The following ABCA7 variants were observed in gnomAD, a reference collection of about 807,000 sequenced individuals.
The protein encoded by ABCA7 is phospholipid-transporting ATPase ABCA7.
In ABCA7, 261 loss-of-function variants were observed where a neutral mutation model predicts 227.6. The observed-to-expected ratio is 1.15, with a 90% CI of 1.04 to 1.27. ABCA7 has a LOEUF of 1.27. ABCA7 is among the 50% of genes most tolerant of loss of function. ABCA7 has a pLI of 0.00. For synonymous variants in ABCA7, 1,488 were observed against 1,279.7 expected (o/e 1.16, Z -3.47); for missense variants, 3,331 against 2,924.5 (o/e 1.14, Z -3.21).
rs770741604 is a variant in ABCA7, at chr19:1,056,069, C to T, written c.4242C>T (p.Tyr1414=). 48 of 1,590,286 alleles carry T rather than the reference C, an allele frequency of 3.0e-5. No individual in the cohort carries two copies. The highest frequency in any genetic ancestry group is 5.4e-5 in the African/African-American group (4 of 74,590). ...KTKKWVNEVR[Y]GGFSLGGRDP... is the part of the protein sequence containing the mutation. ...CCCTGCCTGCATGGCCCCACAGATACGGAGGCTTCTCGCTGGGGGGCCGAG... is the reference window on the plus strand; with the variant it reads ...CCCTGCCTGCATGGCCCCACAGATATGGAGGCTTCTCGCTGGGGGGCCGAG... Residue 1414 remains tyrosine (Y), a synonymous_variant, in exon 32 of 47, where the codon TAC becomes TAT. Transcript: ENST00000263094. This position sits in a 1 kb window ranked among gnomAD's most constrained non-coding sequence, Gnocchi z 4.3.
At position 1,042,769 on chromosome 19, in the gene ABCA7, C is replaced by T. The variant is rs770649703; in HGVS notation, c.522C>T (p.Gly174=). The change falls in exon 7 of 47, where the codon GGC becomes GGT. Residue 174 remains glycine (G), a synonymous_variant. Coordinates refer to ENST00000263094, the MANE Select transcript of ABCA7 (RefSeq NM_019112.4). ...AGGAATCCCTGGGGTTGGCACTGGG[C>T]CAAGCCCAGGAGCCCTTGCACAGCT... The part of the protein sequence containing the change: ...LRTESLGLAL[G]QAQEPLHSLL... 6.2e-7 allele frequency: 1 copy of T among 1,613,334 alleles called. No homozygotes were observed. The highest frequency in any genetic ancestry group is 1.3e-5 in the African/African-American group (1 of 74,932).
rs574713574 is a variant in ABCA7 at position 1,064,309 on chromosome 19, C to T, written c.6044+56C>T. On this transcript the variant is annotated intron_variant, in intron 45 of 46. Coordinates refer to ENST00000263094, the MANE Select transcript of ABCA7 (RefSeq NM_019112.4). ...GGGTGAGGGTGGGCACGTAGGTAGG[C>T]TCAGGGGAGAGGCCAGACGTAGAGC... 306 of 1,491,428 alleles carry T rather than the reference C, an allele frequency of 2.1e-4. No homozygotes were observed. The African/African-American group carries it at 3.8e-3, about 19-fold the overall frequency. 92.4% of individuals were successfully genotyped at this position (1,491,428 alleles called of 1,614,324 possible). A position where few individuals can be genotyped will look rare whatever the true frequency, so the allele number is the denominator to read the frequency against.
chr19:1,044,238 CT>C (rs4147941), intron 10 of ABCA7, among the ~76,000 whole-genome samples: 12,820 of 69,450 alleles, frequency 0.18, 1,120 homozygotes, highest in Non-Finnish European at 0.22. Context: ...CCACGTCCTG[CT>C]TTTTTTTTTT....
Position 1,054,806 on chromosome 19 carries a change from G to A in ABCA7, c.3878G>A (p.Arg1293His), listed in dbSNP as rs779846391. The change falls in exon 29 of 47, where the codon CGT becomes CAT. Residue 1293 changes from arginine to histidine, a missense_variant. Coordinates refer to ENST00000263094, the MANE Select transcript of ABCA7 (RefSeq NM_019112.4). The surrounding 1 kb of genome is among the most constrained non-coding windows in gnomAD (Gnocchi z 4.8). Reference protein sequence around the residue: ...FSEDAPGDPGRARLLEALLQE... With the variant: ...FSEDAPGDPGHARLLEALLQE... Reference sequence around the variant, plus strand: ...GAGGACGCCCCAGGGGACCCTGGACGTGCCCGGCTGCTCGAGGCGCTGCTG... The same window carrying A: ...GAGGACGCCCCAGGGGACCCTGGACATGCCCGGCTGCTCGAGGCGCTGCTG... 19 of 1,588,498 alleles carry A rather than the reference G, an allele frequency of 1.2e-5. No homozygotes were observed. The highest frequency in any genetic ancestry group is 9.0e-5 in the Admixed American group (5 of 55,652).
chr19:1,060,670 C>T (rs56774511), intron 40 of ABCA7, among the ~76,000 whole-genome samples: 3,425 of 152,096 alleles, frequency 0.023, 129 homozygotes, highest in African/African-American at 0.078. Context: ...CAGGCGCCCG[C>T]CACCACAACC....
At chr19:1,061,740 G>A in intron 40 of ABCA7, 42 bp from the exon 41 acceptor site, 1 of 1,564,458 alleles carries the variant, frequency 6.4e-7, no homozygotes, top group Middle Eastern at 1.7e-4. Context: ...CGGAACCAGG[G>A]CCTGGGGCCT....
intron 25 of ABCA7, 35 bp downstream of exon 25, chr19:1,053,871 C>G: frequency 6.2e-7 from 1 of 1,601,484 alleles, no homozygotes; most frequent in South Asian, 1.1e-5. Context: ...TGACCCCAGT[C>G]CAGAGTGGGA....
intron 18 of ABCA7, 109 bp from the exon 19 acceptor site, chr19:1,050,812 T>TAATAAC: frequency 2.0e-6 from 1 of 510,786 alleles, no homozygotes; most frequent in East Asian, 6.8e-5. Flanking sequence ...ATAATAATAA[T>TAATAAC]AATAATAAAT....
chr19:1,049,167 C>A, intron 17 of ABCA7, 99 bp from the exon 18 acceptor site: 1 of 1,405,316 alleles, frequency 7.1e-7, no homozygotes, highest in Non-Finnish European at 9.7e-7. Flanking sequence ...TTATAGGCCC[C>A]GGCCCAGCAG....
rs548487193 is a variant in ABCA7, at chr19:1,063,861, T to C, written c.5949T>C (p.His1983=). 1.2e-5 allele frequency: 18 copies of C among 1,531,338 alleles called. No homozygotes were observed. Among genetic ancestry groups the C allele is most frequent in the South Asian group, 1.1e-4 (9 of 83,612 alleles). The allele number at this position is 1,531,338 out of a possible 1,614,324, so 94.9% of individuals were successfully genotyped here. Residue 1983 remains histidine, a splice_region_variant and synonymous_variant, in exon 44 of 47, where the codon CAT becomes CAC. Transcript: ENST00000263094. ...GCCGTTCAGTGATGCTCACCTCCCATAGGTGGGCCGGGCTCTGATGCCCTG... is the reference window on the plus strand; with the variant it reads ...GCCGTTCAGTGATGCTCACCTCCCACAGGTGGGCCGGGCTCTGATGCCCTG... ...REGRSVMLTS[H]SMEECEALCS...
At chr19:1,045,565 T>G (rs2040544291) in intron 12 of ABCA7, 2 of 298,106 alleles carry the variant, frequency 6.7e-6, no homozygotes, top group Non-Finnish European at 6.4e-6. Context: ...CAGTAGATCT[T>G]GCCTGTTATC....
At position 1,045,249 on chromosome 19, in the gene ABCA7, G is replaced by GA; in HGVS notation, c.1445+18_1445+19insA. 1 of 1,592,658 alleles carries GA rather than the reference G, an allele frequency of 6.3e-7. No individual in the cohort carries two copies. The highest frequency in any genetic ancestry group is 8.6e-7 in the Non-Finnish European group (1 of 1,166,526). On this transcript the variant is annotated intron_variant, in intron 12 of 46. Transcript: ENST00000263094. ...AGGGACAGGTCAGGCGAGGGAGGGG[G>GA]CGGGGGGATGAGGGACTGGGCGGGG...
At chr19:1,055,023 C>T in intron 29 of ABCA7, 74 bp from the exon 30 acceptor site, 2 of 1,537,606 alleles carry the variant, frequency 1.3e-6, no homozygotes, top group Non-Finnish European at 1.8e-6. Context: ...CAGGAACCCC[C>T]AGAAGCTGGG....
intron 44 of ABCA7, 95 bp from the exon 45 acceptor site, chr19:1,064,066 C>T: frequency 2.1e-6 from 3 of 1,401,102 alleles, no homozygotes; most frequent in Non-Finnish European, 2.9e-6. Context: ...GATGTCCACA[C>T]CAGAAGGGTG....
rs2040003074 is a variant in ABCA7, at chr19:1,041,234, G to T, written c.-128G>T. On this transcript the variant is annotated 5_prime_UTR_variant, in exon 2 of 47. Transcript: ENST00000263094. ...GCCTCGCTCTAATCAGAGCTTCCAG[G>T]AACCCTGCGCTGTGGGATAAAGGAA... 1 of 966,088 alleles carries T rather than the reference G, an allele frequency of 1.0e-6. No individual in the cohort carries two copies. Among genetic ancestry groups the T allele is most frequent in the African/African-American group, 1.6e-5 (1 of 62,576 alleles). The allele number at this position is 966,088 out of a possible 1,614,324, so 59.8% of individuals were successfully genotyped here.
At chr19:1,046,549 G>A in intron 13 of ABCA7, 143 bp downstream of exon 13, 1 of 1,267,338 alleles carries the variant, frequency 7.9e-7, no homozygotes. Flanking sequence ...ACCTGCTGCA[G>A]CGGGAGGAGC....
Position 1,041,863 on chromosome 19 carries a change from G to A in ABCA7, c.193G>A (p.Gly65Ser), listed in dbSNP as rs752117203. 1 of 1,599,524 alleles carries A rather than the reference G, an allele frequency of 6.3e-7. No individual in the cohort carries two copies. Residue 65 changes from glycine to serine, a missense_variant, in exon 4 of 47, where the codon GGC (glycine) becomes AGC (serine). Coordinates refer to ENST00000263094, the MANE Select transcript of ABCA7 (RefSeq NM_019112.4). ...CCCAAACAAGCCACTGCCATCGGCG[G>A]GCACCGTGCCCTGGCTCCAGGGTCT... ...HFPNKPLPSA[G>S]TVPWLQGLIC...
chr19:1,060,175 G>A (rs1280825736), intron 40 of ABCA7, among the ~76,000 whole-genome samples: 1 of 149,628 alleles, frequency 6.7e-6, no homozygotes, highest in Non-Finnish European at 1.5e-5. Context: ...AACAAGTGCT[G>A]TTTGTTAGCA....
chr19:1,056,395 C>T lies in ABCA7; in HGVS notation c.4482C>T (p.Ile1494=), dbSNP rs2042254221. 2 of 1,613,610 alleles carry T rather than the reference C, an allele frequency of 1.2e-6. No individual in the cohort carries two copies. Among genetic ancestry groups the T allele is most frequent in the Non-Finnish European group, 8.5e-7 (1 of 1,179,990 alleles). Residue 1494 remains isoleucine (I), a synonymous_variant, in exon 33 of 47, where the codon ATC becomes ATT. Coordinates refer to ENST00000263094, the MANE Select transcript of ABCA7 (RefSeq NM_019112.4). This position sits in a 1 kb window ranked among gnomAD's most constrained non-coding sequence, Gnocchi z 4.3. ...TTGTCAACCGAGCCAGCAACGCAAT[C>T]CTCCGTGCTCACCTGCCCCCAGGCC... ...VAFVNRASNA[I]LRAHLPPGPA... is the part of the protein sequence containing the mutation.
Sources: gnomAD v4.1 joint callset for allele counts (sites outside exome capture counted in the v4.1 genomes callset) on GRCh38, gnomAD v4.1.1 for gene constraint, Gnocchi (gnomAD v3.1) non-coding constraint, MANE v1.5 for transcripts, NCBI Gene and HGNC (gene_info 2026-07-23, HGNC 2026-07-21) for gene names.